ANGPT2: variants seen among roughly 807,000 people sequenced by gnomAD.
ANGPT2 encodes angiopoietin-2.
In ANGPT2, 28 loss-of-function variants were observed where a neutral mutation model predicts 62.9. The observed-to-expected ratio is 0.44, with a 90% CI of 0.33 to 0.61. The LOEUF is 0.61. ANGPT2 is among the 20% of genes least tolerant of loss of function. The pLI is 0.03. For synonymous variants in ANGPT2, 284 were observed against 207.8 expected, an observed-to-expected ratio of 1.37 and a Z score of -3.15; for missense variants, 727 against 594.9, an observed-to-expected ratio of 1.22 and a Z score of -2.31.
chr8:6,559,855 A>G (rs1333356497), intron 1 of ANGPT2, among the ~76,000 whole-genome samples: 2 of 152,218 alleles, frequency 1.3e-5, no homozygotes, highest in African/African-American at 4.8e-5. Context: ...TGTGCTAGCG[A>G]TCATGAGTTT....
At chr8:6,554,637 T>C (rs971640671) in intron 1 of ANGPT2, among the ~76,000 whole-genome samples, 1 of 152,212 alleles carries the variant, frequency 6.6e-6, no homozygotes, top group African/African-American at 2.4e-5. Flanking sequence ...TTTGTGGTGG[T>C]AAGTTGTCAG....
intron 1 of ANGPT2, among the ~76,000 whole-genome samples, chr8:6,543,690 G>A (rs1822020219): frequency 6.6e-6 from 1 of 152,088 alleles, no homozygotes; most frequent in Non-Finnish European, 1.5e-5. Flanking sequence ...GTGCTTTTCT[G>A]AACTATTTAG....
chr8:6,519,960 T>C lies in ANGPT2; in HGVS notation c.831A>G (p.Gln277=). 1 of 1,614,130 alleles carries C rather than the reference T, an allele frequency of 6.2e-7. No homozygotes were observed. Among genetic ancestry groups the C allele is most frequent in the Non-Finnish European group, 8.5e-7 (1 of 1,179,984 alleles). ...CTTCAGCACAGTCTCTGAAGCTGAT[T>C]TGTTCTTCTTTAGCAACAGTGGGGT... ...SKDPTVAKEE[Q]ISFRDCAEVF... is the part of the protein sequence containing the mutation. Residue 277 remains glutamine (Q), a synonymous_variant, in exon 5 of 9, where the codon CAA becomes CAG. Coordinates refer to ENST00000629816, the MANE Select transcript of ANGPT2 (RefSeq NM_001118887.2).
In ANGPT2 at chr8:6,500,038, C is replaced by A; in HGVS notation, c.*3063G>T. ...TTTATCCAGTCAAGCACAATTATGC[C>A]CATAATTAAAAAGACATTCACAGAA... is the stretch of plus-strand genomic sequence containing the variant. On this transcript the variant is annotated 3_prime_UTR_variant, in exon 9 of 9. Transcript: ENST00000629816. 1 of 892,696 alleles carries A rather than the reference C, an allele frequency of 1.1e-6. No individual in the cohort carries two copies. Among genetic ancestry groups the A allele is most frequent in the Non-Finnish European group, 1.9e-6 (1 of 536,752 alleles). The allele number at this position is 892,696 out of a possible 1,614,324, so 55.3% of individuals were successfully genotyped here. A position where few individuals can be genotyped will look rare whatever the true frequency, so the allele number is the denominator to read the frequency against.
Position 6,499,669 on chromosome 8 carries a change from T to C in ANGPT2, c.*3432A>G. ...GTGAGACTTTTTCTCAATCAACTTT[T>C]TATTAATATTCATAACATTTATGCA... On this transcript the variant is annotated 3_prime_UTR_variant, in exon 9 of 9. Coordinates refer to ENST00000629816, the MANE Select transcript of ANGPT2 (RefSeq NM_001118887.2). 1.8e-6 allele frequency: 1 copy of C among 571,182 alleles called. No homozygotes were observed. The highest frequency in any genetic ancestry group is 3.1e-6 in the Non-Finnish European group (1 of 320,942). The allele number at this position is 571,182 out of a possible 1,614,324, so 35.4% of individuals were successfully genotyped here.
Position 6,521,394 on chromosome 8 carries a change from C to T in ANGPT2, c.583G>A (p.Val195Met). 6.2e-7 allele frequency: 1 copy of T among 1,609,930 alleles called. No homozygotes were observed. Among genetic ancestry groups the T allele is most frequent in the Non-Finnish European group, 8.5e-7 (1 of 1,178,698 alleles). The part of the protein sequence containing the change: ...QDKNSFLEKK[V>M]LAMEDKHIIQ... ...ATGTGCTTGTCTTCCATAGCTAGCA[C>T]CTTCTTTTCTAGGAAACTTGTAAGG... The change falls in exon 4 of 9, where the codon GTG becomes ATG. Residue 195 changes from valine to methionine, a missense_variant. Physicochemically the swap from Val to Met is conservative, Grantham distance 21. Transcript: ENST00000629816.
intron 4 of ANGPT2, among the ~76,000 whole-genome samples, chr8:6,520,803 T>G (rs2515442): frequency 0.072 from 10,945 of 152,240 alleles, 482 homozygotes; most frequent in African/African-American, 0.12. Context: ...TTAAGTGCCA[T>G]TGTATTATCT....
At chr8:6,544,787 C>T (rs1213154819) in intron 1 of ANGPT2, among the ~76,000 whole-genome samples, 3 of 152,148 alleles carry the variant, frequency 2.0e-5, no homozygotes, top group African/African-American at 7.2e-5. Context: ...CCTCCCTTAC[C>T]TCCTGACTTG....
intron 1 of ANGPT2, among the ~76,000 whole-genome samples, chr8:6,551,123 C>T (rs1333861015): frequency 3.3e-5 from 5 of 152,170 alleles, no homozygotes; most frequent in African/African-American, 4.8e-5. Context: ...GCCCCTGACT[C>T]GAAGCTGACC....
At chr8:6,553,466 T>A (rs2959762) in intron 1 of ANGPT2, among the ~76,000 whole-genome samples, 76 of 152,202 alleles carry the variant, frequency 5.0e-4, no homozygotes, top group Non-Finnish European at 8.7e-4. Flanking sequence ...CTAATGGTAA[T>A]TGCGTCGGCT....
chr8:6,512,375 G>A (rs3780088), intron 7 of ANGPT2, among the ~76,000 whole-genome samples: 9,938 of 152,214 alleles, frequency 0.065, 391 homozygotes, highest in African/African-American at 0.11. Flanking sequence ...GTCGTGGAGC[G>A]GAGTGTCTGA....
intron 1 of ANGPT2, among the ~76,000 whole-genome samples, chr8:6,535,726 G>A (rs989726460): frequency 6.6e-6 from 1 of 152,096 alleles, no homozygotes; most frequent in Non-Finnish European, 1.5e-5. Flanking sequence ...CCAAAAATGT[G>A]CAGTAGTAGA....
intron 1 of ANGPT2, among the ~76,000 whole-genome samples, chr8:6,543,765 A>G (rs1028521342): frequency 5.3e-5 from 8 of 152,106 alleles, no homozygotes; most frequent in Non-Finnish European, 1.2e-4. Flanking sequence ...TTCAGTTCCC[A>G]TTCTCCCAAG....
intron 1 of ANGPT2, among the ~76,000 whole-genome samples, chr8:6,533,106 A>G (rs1819835147): frequency 6.6e-6 from 1 of 152,156 alleles, no homozygotes; most frequent in Admixed American, 6.5e-5. Flanking sequence ...ACATGTATGC[A>G]TTTTTCACAA....
At chr8:6,544,465 TTAC>T (rs1822176936) in intron 1 of ANGPT2, among the ~76,000 whole-genome samples, 2 of 152,210 alleles carry the variant, frequency 1.3e-5, no homozygotes, top group Admixed American at 6.5e-5. Flanking sequence ...AGAGAGTATT[TTAC>T]TACAAAATAT....
At chr8:6,531,488 C>T (rs888433862) in intron 2 of ANGPT2, among the ~76,000 whole-genome samples, 1 of 152,004 alleles carries the variant, frequency 6.6e-6, no homozygotes, top group South Asian at 2.1e-4. Context: ...GACGGGTTTT[C>T]GCCATGTTGG....
rs1198065290 is a variant in ANGPT2 at position 6,545,171 on chromosome 8, C to T, written c.289-12684G>A. On this transcript the variant is annotated intron_variant, in intron 1 of 8. Coordinates refer to ENST00000629816, the MANE Select transcript of ANGPT2 (RefSeq NM_001118887.2). ...TGATAGAAGTCAGAATAATGTCTTC[C>T]GGGTGGGAGGGGTTTGAGGCTGTGA... 4.6e-5 allele frequency among the ~76,000 whole-genome samples: 7 copies of T among 151,950 alleles called. No individual in the cohort carries two copies. The East Asian group carries it at 5.8e-4, about 13-fold the overall frequency.
chr8:6,560,858 A>T (rs1043265839), intron 1 of ANGPT2, among the ~76,000 whole-genome samples: 2 of 152,234 alleles, frequency 1.3e-5, no homozygotes, highest in African/African-American at 2.4e-5. Context: ...AATGTAAGTT[A>T]ATTAAGCAAA....
At chr8:6,509,767 C>T (rs1417963246) in intron 7 of ANGPT2, among the ~76,000 whole-genome samples, 1 of 152,146 alleles carries the variant, frequency 6.6e-6, no homozygotes, top group African/African-American at 2.4e-5. Flanking sequence ...TTTGGAGCAT[C>T]ATAGCTTAGC....
Sources: allele counts gnomAD v4.1 joint callset (sites outside exome capture counted in the v4.1 genomes callset), GRCh38; gene constraint gnomAD v4.1.1; transcripts MANE v1.5; gene names NCBI Gene and HGNC (gene_info 2026-07-23, HGNC 2026-07-21).